The following PARK7 variants were observed in gnomAD, a reference collection of about 807,000 sequenced individuals.
The protein encoded by PARK7 is Parkinson disease protein 7.
Under a neutral mutation model 20.5 loss-of-function variants are expected in PARK7, and 14 were observed. The ratio of observed to expected loss-of-function variants is 0.68; its 90% CI spans 0.45 to 1.07. The LOEUF (loss-of-function observed/expected upper bound fraction) is 1.07, where lower values mean the gene tolerates loss of function less well. PARK7 is among the 50% of genes least tolerant of loss of function. The probability of loss-of-function intolerance (pLI) is 0.00; values close to 1 mark genes in which losing one functional copy is unlikely to be tolerated. For missense variants in PARK7, 234 were observed against 238.1 expected (o/e 0.98, Z 0.11); for synonymous variants, 98 against 84.3 (o/e 1.16, Z -0.89).
chr1:7,982,218 C>G (rs896479846), intron 6 of PARK7, among the ~76,000 whole-genome samples: 1 of 151,242 alleles, frequency 6.6e-6, no homozygotes, highest in African/African-American at 2.4e-5. Context: ...AAATCCTGAC[C>G]TCAGGTGATC....
rs1037087464 is a variant in PARK7 at position 7,981,103 on chromosome 1, G to A, written c.409+3365G>A. On this transcript the variant is annotated intron_variant, in intron 6 of 6. Coordinates refer to ENST00000338639, the MANE Select transcript of PARK7 (RefSeq NM_007262.5). The stretch of plus-strand genomic sequence containing the variant: ...ATTTGTCCACTGTTTGATGGCATCC[G>A]CATGCCTGGTCCCATACCCGAGCAC... 2.0e-5 allele frequency among the ~76,000 whole-genome samples: 3 copies of A among 152,074 alleles called. No homozygotes were observed. The East Asian group carries it at 5.8e-4, about 29-fold the overall frequency.
chr1:7,964,350 G>T lies in PARK7; in HGVS notation c.91-974G>T, dbSNP rs1640281075. On this transcript the variant is annotated intron_variant, in intron 2 of 6. Coordinates refer to ENST00000338639, the MANE Select transcript of PARK7 (RefSeq NM_007262.5). ...ATAAATAATGTACCCACATCACGTA[G>T]TAAGTACAAAAGCCAGAACTCAGAC... is the stretch of plus-strand genomic sequence containing the variant. Among the ~76,000 whole-genome samples the T allele has an allele frequency of 2.0e-5, 3 of 152,164 alleles. 1 individual carries two copies. The highest frequency in any genetic ancestry group is 4.1e-4 in the South Asian group (2 of 4,830).
chr1:7,985,264 C>A lies in PARK7; in HGVS notation c.*210C>A. 1.6e-6 allele frequency: 1 copy of A among 633,910 alleles called. No individual in the cohort carries two copies. Among genetic ancestry groups the A allele is most frequent in the Non-Finnish European group, 2.7e-6 (1 of 371,774 alleles). 39.3% of individuals were successfully genotyped at this position (633,910 alleles called of 1,614,324 possible). On this transcript the variant is annotated 3_prime_UTR_variant, in exon 7 of 7. Coordinates refer to ENST00000338639, the MANE Select transcript of PARK7 (RefSeq NM_007262.5). ...TTCTAAGCCTTGTTTGCAGAATAAA[C>A]AGGGCATTTAGCAAACTACTGATTG...
chr1:7,984,840 CTT>C lies in PARK7; in HGVS notation c.410-52_410-51del. 3 of 1,601,922 alleles carry C rather than the reference CTT, an allele frequency of 1.9e-6. No individual in the cohort carries two copies. Among genetic ancestry groups the C allele is most frequent in the Non-Finnish European group, 2.6e-6 (3 of 1,169,576 alleles). On this transcript the variant is annotated intron_variant, in intron 6 of 6. Transcript: ENST00000338639. The surrounding 1 kb of genome is among the most constrained non-coding windows in gnomAD (Gnocchi z 4.3). ...GTGAATTTAATTGGTAAGTAATCGT[CTT>C]TCTCGTCACATAGCCCATTAGGATG...
intron 2 of PARK7, among the ~76,000 whole-genome samples, chr1:7,964,640 A>T (rs529613247): frequency 6.6e-6 from 1 of 152,228 alleles, no homozygotes; most frequent in Admixed American, 6.5e-5. Context: ...TGTAGTCAGC[A>T]TGACTAGGTT....
chr1:7,962,796 A>G lies in PARK7; in HGVS notation c.11A>G (p.Lys4Arg), dbSNP rs190738218. Residue 4 changes from lysine to arginine, a missense_variant, in exon 2 of 7, where the codon AAA becomes AGA. Lys to Arg is a conservative substitution (Grantham distance 26, BLOSUM62 2). Coordinates refer to ENST00000338639, the MANE Select transcript of PARK7 (RefSeq NM_007262.5). MAS[K>R]RALVILAKGA... ...ACATATAACATAAAAATGGCTTCCAAAAGAGCTCTGGTCATCCTGGCTAAA... is the reference window on the plus strand; with the variant it reads ...ACATATAACATAAAAATGGCTTCCAGAAGAGCTCTGGTCATCCTGGCTAAA... The G allele has an allele frequency of 5.6e-6, 9 of 1,613,026 alleles. No homozygotes were observed. In the Admixed American group the frequency reaches 1.3e-4, roughly 24 times the overall value.
intron 6 of PARK7, among the ~76,000 whole-genome samples, chr1:7,981,856 C>T (rs1640716648): frequency 6.6e-6 from 1 of 150,658 alleles, no homozygotes; most frequent in African/African-American, 2.4e-5. Flanking sequence ...GACGGGGTTT[C>T]ATCGTGTTAG....
At chr1:7,966,516 C>T (rs938859249) in intron 3 of PARK7, among the ~76,000 whole-genome samples, 4 of 151,646 alleles carry the variant, frequency 2.6e-5, no homozygotes, top group Admixed American at 2.6e-4. Flanking sequence ...GGCAACATAG[C>T]GAGACCGTTT....
chr1:7,970,990 C>CA (rs1640454156), intron 5 of PARK7, 27 bp downstream of exon 5: 1 of 1,613,140 alleles, frequency 6.2e-7, no homozygotes, highest in Non-Finnish European at 8.5e-7. Flanking sequence ...GCCTGTGTTG[C>CA]AGCGTCATTG....
intron 2 of PARK7, among the ~76,000 whole-genome samples, chr1:7,963,787 C>T (rs1369827106): frequency 6.6e-6 from 1 of 151,360 alleles, no homozygotes; most frequent in Non-Finnish European, 1.5e-5. Context: ...TAAGTGCTAT[C>T]CTCGCACTCT....
rs78071968 is a variant in PARK7 at position 7,970,019 on chromosome 1, C to T, written c.252+615C>T. The stretch of plus-strand genomic sequence containing the variant: ...CCAGCCTAAGTAACACATCGAGACG[C>T]CATCTCTACAAAAAATTTTCTTTTA... On this transcript the variant is annotated intron_variant, in intron 4 of 6. Coordinates refer to ENST00000338639, the MANE Select transcript of PARK7 (RefSeq NM_007262.5). Among the ~76,000 whole-genome samples the T allele has an allele frequency of 5.9e-5, 9 of 152,176 alleles. No homozygotes were observed. In the East Asian group the frequency reaches 1.4e-3, roughly 23 times the overall value.
intron 3 of PARK7, among the ~76,000 whole-genome samples, chr1:7,967,930 T>G (rs1194034791): frequency 6.6e-6 from 1 of 151,138 alleles, no homozygotes; most frequent in Non-Finnish European, 1.5e-5. Flanking sequence ...CTAAAAAAAT[T>G]TTATAGGTTG....
At chr1:7,972,337 G>T (rs973844096) in intron 5 of PARK7, among the ~76,000 whole-genome samples, 37 of 152,152 alleles carry the variant, frequency 2.4e-4, no homozygotes, top group African/African-American at 8.4e-4. Context: ...GCACAGTACT[G>T]CATGCATGTA....
chr1:7,964,661 GCT>G (rs1428236589), intron 2 of PARK7, among the ~76,000 whole-genome samples: 1 of 152,176 alleles, frequency 6.6e-6, no homozygotes, highest in Admixed American at 6.5e-5. Context: ...TTGCCAAGTT[GCT>G]CTCCAGTGTC....
intron 3 of PARK7, among the ~76,000 whole-genome samples, chr1:7,968,464 A>G (rs1433095040): frequency 6.6e-6 from 1 of 152,038 alleles, no homozygotes; most frequent in Non-Finnish European, 1.5e-5. Flanking sequence ...TACATTTTTC[A>G]TAAAGTTAAG....
intron 5 of PARK7, chr1:7,971,261 G>T (rs1051849181): frequency 1.4e-5 from 6 of 437,720 alleles, no homozygotes; most frequent in Non-Finnish European, 2.1e-5. Context: ...GTTACAGCAA[G>T]TCTCTGTGCC....
intron 5 of PARK7, among the ~76,000 whole-genome samples, chr1:7,975,735 T>C (rs1640571720): frequency 6.6e-6 from 1 of 152,224 alleles, no homozygotes; most frequent in African/African-American, 2.4e-5. Flanking sequence ...AGCCTAAAAA[T>C]TCTCGTTCAC....
At chr1:7,962,411 G>C (rs749192733) in intron 1 of PARK7, among the ~76,000 whole-genome samples, 1 of 152,014 alleles carries the variant, frequency 6.6e-6, no homozygotes, top group Non-Finnish European at 1.5e-5. Context: ...AAAAAAGACT[G>C]TTTCCCCGCA....
chr1:7,974,134 A>ACCC (rs373742818), intron 5 of PARK7, among the ~76,000 whole-genome samples: 24,973 of 126,828 alleles, frequency 0.2, 4,096 homozygotes, highest in Non-Finnish European at 0.3. Flanking sequence ...ACATAGTGAG[A>ACCC]CCCCCCCACC....
Sources: allele counts gnomAD v4.1 joint callset (sites outside exome capture counted in the v4.1 genomes callset), GRCh38; gene constraint gnomAD v4.1.1; non-coding constraint Gnocchi (gnomAD v3.1); transcripts MANE v1.5; gene names NCBI Gene and HGNC (gene_info 2026-07-23, HGNC 2026-07-21).